ADGRA1: variants seen among roughly 807,000 people sequenced by gnomAD.
ADGRA1 encodes G-protein coupled receptor 123.
In ADGRA1, 12 loss-of-function variants were observed where a neutral mutation model predicts 21.3. That is an observed-to-expected ratio of 0.56 (90% CI 0.36 to 0.91). ADGRA1 has a LOEUF of 0.91. Among genes scored for constraint, ADGRA1 ranks in the 40% least tolerant of loss-of-function variants. ADGRA1 has a pLI of 0.01. For missense variants in ADGRA1, 790 were observed against 805.6 expected (o/e 0.98, Z 0.23); for synonymous variants, 385 against 368.8 (o/e 1.04, Z -0.50).
At chr10:133,099,470 A>AGGGAGAGGTG (rs1274804234) in intron 4 of ADGRA1, among the ~76,000 whole-genome samples, 1 of 152,164 alleles carries the variant, frequency 6.6e-6, no homozygotes, top group Non-Finnish European at 1.5e-5. Context: ...CCCCCACTGC[A>AGGGAGAGGTG]GGGAGAGCTG....
Position 133,129,303 on chromosome 10 carries a change from C to T in ADGRA1, c.1475C>T (p.Ala492Val), listed in dbSNP as rs765516881. The change falls in exon 7 of 7, where the codon GCC (alanine) becomes GTC (valine). Residue 492 changes from alanine to valine, a missense_variant. Around this residue, in one of 3 missense-constraint regions of ADGRA1, gnomAD observed 391 missense variants for 351.5 expected, o/e 1.11. Transcript: ENST00000392607. ...TQPEGSDGSP[A>V]LYSCPTQPGR... ...CCCGAGGGCAGTGATGGGAGCCCTG[C>T]CCTCTACAGCTGCCCCACGCAGCCG... The T allele has an allele frequency of 1.3e-6, 2 of 1,553,914 alleles. No individual in the cohort carries two copies. The highest frequency in any genetic ancestry group is 1.7e-6 in the Non-Finnish European group (2 of 1,149,780).
At chr10:133,090,520 G>A (rs963438805) in intron 2 of ADGRA1, among the ~76,000 whole-genome samples, 10 of 152,322 alleles carry the variant, frequency 6.6e-5, no homozygotes, top group Non-Finnish European at 1.3e-4. Flanking sequence ...CATCAGTCTG[G>A]TGCAGCATTT....
intron 5 of ADGRA1, among the ~76,000 whole-genome samples, chr10:133,120,888 G>A (rs747798600): frequency 7.2e-5 from 11 of 152,278 alleles, no homozygotes; most frequent in South Asian, 2.1e-4. Context: ...CTCACTAAGC[G>A]TAATGATTTC....
At chr10:133,098,907 C>T (rs866131308) in intron 4 of ADGRA1, 144 bp downstream of exon 4, 89 of 1,167,658 alleles carry the variant, frequency 7.6e-5, no homozygotes, top group South Asian at 6.7e-4. Context: ...CTCGGCTTCA[C>T]GCCATGCAAG....
chr10:133,122,718 G>A (rs1340567183), intron 5 of ADGRA1, among the ~76,000 whole-genome samples: 1 of 152,176 alleles, frequency 6.6e-6, no homozygotes, highest in African/African-American at 2.4e-5. Context: ...GCAGAAGCGA[G>A]AACCTTGGGG....
intron 2 of ADGRA1, among the ~76,000 whole-genome samples, chr10:133,091,068 G>A (rs777804691): frequency 1.1e-4 from 16 of 152,224 alleles, no homozygotes; most frequent in South Asian, 6.2e-4. Context: ...GCCTGTCTCC[G>A]CAAGGGGTGC....
intron 2 of ADGRA1, among the ~76,000 whole-genome samples, chr10:133,093,981 C>A (rs1851645817): frequency 1.3e-5 from 2 of 152,252 alleles, no homozygotes; most frequent in South Asian, 4.1e-4. Flanking sequence ...AGAAAAGAAA[C>A]CAAACCAAAT....
Position 133,088,762 on chromosome 10 carries a change from G to T in ADGRA1, c.-148G>T. ...CCGCCGCGGTCACCCTGAGGCCAGG[G>T]GCCCGGGAGCGCGACCTCCTGGCCG... is the stretch of plus-strand genomic sequence containing the variant. On this transcript the variant is annotated 5_prime_UTR_variant, in exon 2 of 7. Coordinates refer to ENST00000392607, the MANE Select transcript of ADGRA1 (RefSeq NM_001083909.3). 2 of 1,231,434 alleles carry T rather than the reference G, an allele frequency of 1.6e-6. No homozygotes were observed. The highest frequency in any genetic ancestry group is 2.0e-6 in the Non-Finnish European group (2 of 987,720). 76.3% of individuals were successfully genotyped at this position (1,231,434 alleles called of 1,614,324 possible).
At chr10:133,098,329 G>A (rs1851725230) in intron 3 of ADGRA1, among the ~76,000 whole-genome samples, 1 of 152,162 alleles carries the variant, frequency 6.6e-6, no homozygotes, top group Admixed American at 6.5e-5. Flanking sequence ...GACAGTGTGT[G>A]GCCAAGTCCT....
intron 2 of ADGRA1, chr10:133,095,873 C>T (rs1402216994): frequency 8.3e-6 from 12 of 1,454,306 alleles, no homozygotes; most frequent in African/African-American, 2.8e-5. Flanking sequence ...GAGGCCCGGC[C>T]GGCTGCCTCC....
chr10:133,100,460 CGCCTTCGG>C (rs978000723), intron 4 of ADGRA1, among the ~76,000 whole-genome samples: 8 of 152,238 alleles, frequency 5.3e-5, no homozygotes, highest in Non-Finnish European at 1.0e-4. Context: ...ACCCCGCCCG[CGCCTTCGG>C]GAACACCTGC....
chr10:133,114,756 G>A (rs368363784), intron 5 of ADGRA1, among the ~76,000 whole-genome samples: 16 of 152,188 alleles, frequency 1.1e-4, no homozygotes, highest in Non-Finnish European at 2.1e-4. Flanking sequence ...CAGGGATCAC[G>A]ATCTCACAGA....
chr10:133,118,368 C>T (rs937387188), intron 5 of ADGRA1, among the ~76,000 whole-genome samples: 1 of 152,106 alleles, frequency 6.6e-6, no homozygotes, highest in Non-Finnish European at 1.5e-5. Context: ...TGTATTAGTC[C>T]ATTTTCACAC....
intron 5 of ADGRA1, among the ~76,000 whole-genome samples, chr10:133,108,136 C>T (rs1171565705): frequency 6.6e-6 from 1 of 152,234 alleles, no homozygotes; most frequent in Non-Finnish European, 1.5e-5. Flanking sequence ...CCAGGCATCA[C>T]ACAGACCTCC....
Position 133,128,481 on chromosome 10 carries a change from AGCG to A in ADGRA1, c.659_661del (p.Arg220del). On this transcript the variant is annotated inframe_deletion, in exon 7 of 7. Transcript: ENST00000392607. ...GAGCTGCGCACACAGCCCGAGGAGC[AGCG>A]GCGGCTGGCGACACCCGAGGGCGGC... The A allele has an allele frequency of 6.4e-7, 1 of 1,569,290 alleles. No individual in the cohort carries two copies. The highest frequency in any genetic ancestry group is 8.6e-7 in the Non-Finnish European group (1 of 1,159,132).
intron 2 of ADGRA1, chr10:133,095,910 C>T: frequency 8.2e-7 from 1 of 1,217,228 alleles, no homozygotes. Context: ...AGGGCAGCAT[C>T]CATGGCGTGG....
At position 133,128,798 on chromosome 10, in the gene ADGRA1, C is replaced by T. The variant is rs767857091; in HGVS notation, c.970C>T (p.Arg324Cys). The stretch of plus-strand genomic sequence containing the variant: ...GTGCTGGTGGGCATGCTGCCCGCCC[C>T]GCAAGGACGCCCACCCCGCACTTGA... ...WQCWWACCPP[R>C]KDAHPALDAN... Residue 324 changes from arginine (R) to cysteine (C), a missense_variant, in exon 7 of 7, where the codon CGC becomes TGC. By Grantham distance (180) the Arg-to-Cys change is radical. Around this residue, in one of 3 missense-constraint regions of ADGRA1, gnomAD observed 391 missense variants for 351.5 expected, o/e 1.11. Transcript: ENST00000392607. 6.2e-6 allele frequency: 10 copies of T among 1,608,584 alleles called. No individual in the cohort carries two copies. Among genetic ancestry groups the T allele is most frequent in the Non-Finnish European group, 6.8e-6 (8 of 1,178,282 alleles).
In ADGRA1 at chr10:133,129,390, C is replaced by T. The variant is rs898745089; in HGVS notation, c.1562C>T (p.Pro521Leu). The T allele has an allele frequency of 1.2e-6, 2 of 1,605,516 alleles. No homozygotes were observed. The highest frequency in any genetic ancestry group is 1.3e-5 in the African/African-American group (1 of 74,850). ...LEMLRRTQSLPFGGPSQNGLP... is the reference protein window; with the variant it reads ...LEMLRRTQSLLFGGPSQNGLP... ...ATGCTGCGGAGGACACAGTCCCTGC[C>T]CTTTGGTGGCCCCAGCCAGAACGGG... Residue 521 changes from proline to leucine, a missense_variant, in exon 7 of 7, where the codon CCC becomes CTC. Pro to Leu is a moderately conservative substitution (Grantham distance 98, BLOSUM62 -3). Coordinates refer to ENST00000392607, the MANE Select transcript of ADGRA1 (RefSeq NM_001083909.3).
chr10:133,090,445 C>T (rs532743100), intron 2 of ADGRA1, among the ~76,000 whole-genome samples: 1 of 152,278 alleles, frequency 6.6e-6, no homozygotes, highest in South Asian at 2.1e-4. Context: ...TGTTTTTATT[C>T]ACAACAAGTA....
Sources: gnomAD v4.1 joint callset for allele counts (sites outside exome capture counted in the v4.1 genomes callset) on GRCh38, gnomAD v4.1.1 for gene constraint, gnomAD v4.1.1 regional missense constraint, MANE v1.5 for transcripts, NCBI Gene and HGNC (gene_info 2026-07-23, HGNC 2026-07-21) for gene names.